The following PHKA1 variants were observed in gnomAD, a reference collection of about 807,000 sequenced individuals.
The protein encoded by PHKA1 is phosphorylase kinase regulatory subunit alpha 1, also known as phosphorylase b kinase regulatory subunit alpha, skeletal muscle isoform.
In PHKA1, 60 loss-of-function variants were observed where a neutral mutation model predicts 110.2. The observed-to-expected ratio is 0.54, with a 90% CI of 0.44 to 0.68. The LOEUF (loss-of-function observed/expected upper bound fraction) is 0.68, where lower values mean the gene tolerates loss of function less well. Ranked by LOEUF, PHKA1 falls within the 30% of genes least tolerant of loss-of-function variation. The pLI is 0.00. For synonymous variants in PHKA1, 316 were observed against 333.6 expected (o/e 0.95, Z 0.58); for missense variants, 801 against 942.5 (o/e 0.85, Z 1.97).
intron 25 of PHKA1, among the ~76,000 whole-genome samples, chrX:72,604,151 G>A (rs1323504167): frequency 3.8e-5 from 4 of 105,220 alleles, no homozygotes; most frequent in Non-Finnish European, 5.8e-5. Flanking sequence ...ACACTCTCTC[G>A]CAAAAAAAAA....
At chrX:72,682,292 G>C (rs1247616960) in intron 5 of PHKA1, among the ~76,000 whole-genome samples, 1 of 98,952 alleles carries the variant, frequency 1.0e-5, no homozygotes, top group Non-Finnish European at 2.1e-5. Flanking sequence ...GAGGTGGGGG[G>C]GGTCAGCCCC....
At chrX:72,659,544 C>T in intron 8 of PHKA1, among the ~76,000 whole-genome samples, 1 of 111,648 alleles carries the variant, frequency 9.0e-6, no homozygotes, top group Non-Finnish European at 1.9e-5. Flanking sequence ...GACACACACA[C>T]ATACACACTT....
chrX:72,688,633 A>G (rs782051947), intron 4 of PHKA1, among the ~76,000 whole-genome samples: 1 of 112,268 alleles, frequency 8.9e-6, no homozygotes, highest in African/African-American at 3.2e-5. Context: ...GTCCTCTGTG[A>G]TGCTATCATT....
Position 72,618,866 on chromosome X carries a change from G to A in PHKA1, c.2230-17C>T. On this transcript the variant is annotated splice_polypyrimidine_tract_variant and intron_variant, in intron 20 of 31. Transcript: ENST00000373542. ...AGAGGGAACCTTTAGTTTGAGAAAT[G>A]ATGACAAGAAATTAAGTTCACAAGT... The A allele has an allele frequency of 8.4e-7, 1 of 1,193,962 alleles. No individual in the cohort carries two copies. Among genetic ancestry groups the A allele is most frequent in the Non-Finnish European group, 1.1e-6 (1 of 879,666 alleles).
chrX:72,706,523 C>T (rs190042584), intron 2 of PHKA1, among the ~76,000 whole-genome samples: 2 of 111,479 alleles, frequency 1.8e-5, no homozygotes, highest in Non-Finnish European at 1.9e-5. Context: ...TCACCACATA[C>T]TCAAAGGTTT....
chrX:72,638,808 C>T (rs2053260895), intron 14 of PHKA1, among the ~76,000 whole-genome samples: 1 of 111,921 alleles, frequency 8.9e-6, no homozygotes. Context: ...ATTTTTGTCT[C>T]CGTAGAACAG....
At chrX:72,620,421 C>T (rs2052959699) in intron 19 of PHKA1, among the ~76,000 whole-genome samples, 1 of 111,869 alleles carries the variant, frequency 8.9e-6, no homozygotes, top group Non-Finnish European at 1.9e-5. Context: ...AAAGGAAAAA[C>T]CCTTTCTACC....
intron 16 of PHKA1, among the ~76,000 whole-genome samples, chrX:72,629,277 T>C (rs1216381101): frequency 1.8e-5 from 2 of 111,976 alleles, no homozygotes; most frequent in Non-Finnish European, 3.8e-5. Flanking sequence ...TATTTTATTG[T>C]CTTCAATAGT....
chrX:72,648,653 C>T (rs1556297882), intron 13 of PHKA1, among the ~76,000 whole-genome samples: 3 of 110,749 alleles, frequency 2.7e-5, no homozygotes, highest in African/African-American at 6.6e-5. Flanking sequence ...TGTGATTTTT[C>T]GAGTGGTTCT....
intron 2 of PHKA1, among the ~76,000 whole-genome samples, 182 bp downstream of exon 2, chrX:72,712,597 A>G (rs1317328930): frequency 9.0e-6 from 1 of 111,441 alleles, no homozygotes; most frequent in Non-Finnish European, 1.9e-5. Context: ...CTGCAAGAAT[A>G]CCACTTCAGT....
chrX:72,608,211 G>C (rs1001487812), intron 23 of PHKA1, among the ~76,000 whole-genome samples: 21 of 111,514 alleles, frequency 1.9e-4, no homozygotes, highest in Admixed American at 1.7e-3. Context: ...CAAGGTATGT[G>C]TCAAAATGTC....
chrX:72,680,639 G>GA, intron 5 of PHKA1, among the ~76,000 whole-genome samples: 1 of 80,274 alleles, frequency 1.2e-5, no homozygotes, highest in African/African-American at 1.2e-4. Flanking sequence ...GGTGGTTGGC[G>GA]CGCTGCGCTG....
At chrX:72,608,986 T>C (rs782545398) in intron 23 of PHKA1, among the ~76,000 whole-genome samples, 4 of 112,491 alleles carry the variant, frequency 3.6e-5, no homozygotes, top group African/African-American at 9.7e-5. Flanking sequence ...ACTGGTGTGA[T>C]ATGAAATTAA....
At chrX:72,584,400 G>A in intron 29 of PHKA1, 98 bp from the exon 30 acceptor site, 1 of 771,695 alleles carries the variant, frequency 1.3e-6, no homozygotes, top group South Asian at 2.2e-5. Context: ...TTCTAAGTGT[G>A]CCTCATGTGG....
At chrX:72,601,070 C>G (rs1270095236) in intron 28 of PHKA1, among the ~76,000 whole-genome samples, 9 of 111,026 alleles carry the variant, frequency 8.1e-5, no homozygotes, top group African/African-American at 2.6e-4. Flanking sequence ...TAAAAAGAAG[C>G]TATGGAAGCT....
intron 2 of PHKA1, among the ~76,000 whole-genome samples, chrX:72,710,302 G>A (rs1470237985): frequency 1.8e-5 from 2 of 111,738 alleles, no homozygotes; most frequent in African/African-American, 6.5e-5. Flanking sequence ...CATGTATATG[G>A]AAGGCTGACT....
intron 21 of PHKA1, among the ~76,000 whole-genome samples, chrX:72,612,746 A>T (rs2052830979): frequency 8.9e-6 from 1 of 111,986 alleles, no homozygotes; most frequent in African/African-American, 3.2e-5. Flanking sequence ...CTCTTCTTAC[A>T]ATGTGACTCT....
At chrX:72,610,714 A>G (rs1483428242) in intron 22 of PHKA1, among the ~76,000 whole-genome samples, 2 of 111,696 alleles carry the variant, frequency 1.8e-5, no homozygotes, top group African/African-American at 6.5e-5. Context: ...TTACATAAGT[A>G]GCTATACTAA....
At chrX:72,591,992 T>C (rs782749464) in intron 29 of PHKA1, among the ~76,000 whole-genome samples, 1 of 112,233 alleles carries the variant, frequency 8.9e-6, no homozygotes, top group South Asian at 3.7e-4. Flanking sequence ...TTTTACACAG[T>C]ACTTATCATC....
Sources: allele counts gnomAD v4.1 joint callset (sites outside exome capture counted in the v4.1 genomes callset), GRCh38; gene constraint gnomAD v4.1.1; transcripts MANE v1.5; gene names NCBI Gene and HGNC (gene_info 2026-07-23, HGNC 2026-07-21).